RECQL: variants seen among roughly 807,000 people sequenced by gnomAD.
RECQL encodes RecQ like helicase, also known as ATP-dependent DNA helicase Q1.
Under a neutral mutation model 75.8 loss-of-function variants are expected in RECQL, and 73 were observed. The observed-to-expected ratio is 0.96, with a 90% CI of 0.80 to 1.17. The LOEUF (loss-of-function observed/expected upper bound fraction) is 1.17, where lower values mean the gene tolerates loss of function less well. Ranked by LOEUF, RECQL falls within the 50% of genes most tolerant of loss-of-function variation. The pLI, the probability that RECQL is intolerant of heterozygous loss-of-function variation, is 0.00. For synonymous variants in RECQL, 248 were observed against 254.4 expected, an observed-to-expected ratio of 0.97 and a Z score of 0.24; for missense variants, 699 against 772.1, an observed-to-expected ratio of 0.91 and a Z score of 1.12.
At chr12:21,495,269 C>T (rs117589247) in intron 2 of RECQL, among the ~76,000 whole-genome samples, 1,803 of 152,198 alleles carry the variant, frequency 0.012, 23 homozygotes, top group Admixed American at 0.02. Context: ...TACTCTTCAC[C>T]AGGAAGTTTA....
intron 6 of RECQL, among the ~76,000 whole-genome samples, chr12:21,481,302 G>A (rs900275960): frequency 6.6e-5 from 10 of 152,238 alleles, no homozygotes; most frequent in African/African-American, 2.4e-4. Context: ...ATTTAGTTTT[G>A]GTCATGCTAA....
chr12:21,470,060 A>G lies in RECQL; in HGVS notation c.*134T>C. On this transcript the variant is annotated 3_prime_UTR_variant, in exon 15 of 15. Transcript: ENST00000444129. ...TTCTCAAAAGTTTAGATCTTCAGAG[A>G]TAAGCTCTGAAAATATAGATCCATA... is the stretch of plus-strand genomic sequence containing the variant. 1 of 641,992 alleles carries G rather than the reference A, an allele frequency of 1.6e-6. No individual in the cohort carries two copies. Among genetic ancestry groups the G allele is most frequent in the South Asian group, 3.0e-5 (1 of 33,822 alleles). The allele number at this position is 641,992 out of a possible 1,614,324, so 39.8% of individuals were successfully genotyped here. A position where few individuals can be genotyped will look rare whatever the true frequency, so the allele number is the denominator to read the frequency against.
chr12:21,492,136 G>A (rs947441434), intron 2 of RECQL, among the ~76,000 whole-genome samples: 2 of 152,186 alleles, frequency 1.3e-5, no homozygotes, highest in African/African-American at 4.8e-5. Flanking sequence ...ATCAGACTTT[G>A]AAGCAAAAGG....
intron 6 of RECQL, 152 bp from the exon 7 acceptor site, chr12:21,478,121 T>C: frequency 1.6e-6 from 1 of 637,722 alleles, no homozygotes. Flanking sequence ...TTAGCCTCTT[T>C]GATGGGCAGG....
chr12:21,495,270 A>C (rs1366837579), intron 2 of RECQL, among the ~76,000 whole-genome samples: 1 of 152,208 alleles, frequency 6.6e-6, no homozygotes, highest in Non-Finnish European at 1.5e-5. Flanking sequence ...ACTCTTCACC[A>C]GGAAGTTTAT....
In RECQL at chr12:21,470,192, T is replaced by C. The variant is rs776157162; in HGVS notation, c.*2A>G. 3.1e-6 allele frequency: 5 copies of C among 1,611,446 alleles called. No individual in the cohort carries two copies. The highest frequency in any genetic ancestry group is 1.3e-5 in the African/African-American group (1 of 74,774). ...TAATTAGAAAATTTAGTAACATTCA[T>C]ATCAGGCATCATCGATTTTTCTTTT... is the stretch of plus-strand genomic sequence containing the variant. On this transcript the variant is annotated 3_prime_UTR_variant, in exon 15 of 15. Transcript: ENST00000444129.
chr12:21,483,164 G>A (rs1170252694), intron 6 of RECQL, among the ~76,000 whole-genome samples: 2 of 152,146 alleles, frequency 1.3e-5, no homozygotes, highest in Non-Finnish European at 2.9e-5. Flanking sequence ...TCATAATGAG[G>A]CAAGATAAAA....
At chr12:21,493,527 A>G (rs768742767) in intron 2 of RECQL, among the ~76,000 whole-genome samples, 8 of 152,238 alleles carry the variant, frequency 5.3e-5, no homozygotes, top group Non-Finnish European at 1.2e-4. Flanking sequence ...AATAGCTGTA[A>G]GTCTAAATCC....
Position 21,490,346 on chromosome 12 carries a change from G to T in RECQL, c.247C>A (p.Leu83Met). The T allele has an allele frequency of 1.2e-6, 2 of 1,611,758 alleles. No individual in the cohort carries two copies. The highest frequency in any genetic ancestry group is 1.7e-6 in the Non-Finnish European group (2 of 1,178,428). Reference sequence around the variant, plus strand: ...TTTTCCAGTTTAAAGACATTTTGCAGAATATCTTTAACTTTACCAGACCAT... The same window carrying T: ...TTTTCCAGTTTAAAGACATTTTGCATAATATCTTTAACTTTACCAGACCAT... ...FPWSGKVKDI[L>M]QNVFKLEKFR... The change falls in exon 4 of 15, where the codon CTG becomes ATG. Residue 83 changes from leucine (L) to methionine (M), a missense_variant. Around this residue, in one of 2 missense-constraint regions of RECQL, gnomAD observed 669 missense variants for 713.5 expected, o/e 0.94. Transcript: ENST00000444129.
intron 4 of RECQL, 101 bp downstream of exon 4, chr12:21,490,094 CTTGA>C (rs1238242529): frequency 5.8e-5 from 32 of 552,148 alleles, no homozygotes; most frequent in Middle Eastern, 5.1e-4. Context: ...CAAAAATGCA[CTTGA>C]TTTTTATATA....
intron 2 of RECQL, 36 bp downstream of exon 2, chr12:21,499,519 C>T (rs754634604): frequency 2.0e-6 from 3 of 1,527,722 alleles, no homozygotes; most frequent in South Asian, 1.2e-5. Flanking sequence ...AGAAATAGAA[C>T]AGAAGGAAGA....
chr12:21,483,398 C>T lies in RECQL; in HGVS notation c.678G>A (p.Gln226=), dbSNP rs777465647. 1 of 1,602,810 alleles carries T rather than the reference C, an allele frequency of 6.2e-7. No individual in the cohort carries two copies. The highest frequency in any genetic ancestry group is 8.5e-7 in the Non-Finnish European group (1 of 1,176,672). The change falls in exon 6 of 15, where the codon CAG becomes CAA. Residue 226 remains glutamine (Q), a synonymous_variant. Transcript: ENST00000444129. Reference sequence around the variant, plus strand: ...TACCAGGTCTGAAATCATGTCCCCACTGACTACAGCAGTGAACTTCATCCA... The same window carrying T: ...TACCAGGTCTGAAATCATGTCCCCATTGACTACAGCAGTGAACTTCATCCA... ...IAVDEVHCCS[Q]WGHDFRPDYK...
At chr12:21,498,054 C>T (rs1428494590) in intron 2 of RECQL, among the ~76,000 whole-genome samples, 1 of 152,212 alleles carries the variant, frequency 6.6e-6, no homozygotes, top group African/African-American at 2.4e-5. Flanking sequence ...TCACGGAATT[C>T]CTACTGATTG....
intron 2 of RECQL, among the ~76,000 whole-genome samples, chr12:21,498,687 C>A (rs1288434321): frequency 6.6e-6 from 1 of 152,066 alleles, no homozygotes; most frequent in Admixed American, 6.5e-5. Flanking sequence ...CTCTAGTGCA[C>A]CTCTCAGTAT....
intron 1 of RECQL, among the ~76,000 whole-genome samples, chr12:21,500,578 A>G (rs1943591273): frequency 2.0e-5 from 3 of 152,244 alleles, no homozygotes; most frequent in Admixed American, 1.3e-4. Flanking sequence ...CCATTAAAAG[A>G]AGGCTAAATA....
At position 21,493,059 on chromosome 12, in the gene RECQL, C is replaced by T. The variant is rs553551837; in HGVS notation, c.17-1343G>A. 2.0e-4 allele frequency among the ~76,000 whole-genome samples: 30 copies of T among 152,312 alleles called. 1 individual carries two copies. Among genetic ancestry groups the T allele is most frequent in the African/African-American group, 6.5e-4 (27 of 41,570 alleles). ...ATAAGTTTTAATCCCCATAATAAAA[C>T]TTACAGCACTCATAATGGTTCAGCT... On this transcript the variant is annotated intron_variant, in intron 2 of 14. Coordinates refer to ENST00000444129, the MANE Select transcript of RECQL (RefSeq NM_002907.4).
At chr12:21,483,266 G>T in intron 6 of RECQL, 110 bp downstream of exon 6, 1 of 791,338 alleles carries the variant, frequency 1.3e-6, no homozygotes, top group Non-Finnish European at 2.1e-6. Context: ...GATATTCAAT[G>T]TGTAACTACT....
intron 6 of RECQL, among the ~76,000 whole-genome samples, chr12:21,481,460 A>C (rs7307064): frequency 0.15 from 22,965 of 152,064 alleles, 2,069 homozygotes; most frequent in Middle Eastern, 0.27. Flanking sequence ...AAGGGTGATA[A>C]TCATAAGGGA....
chr12:21,483,635 A>G (rs1273984928), intron 5 of RECQL, 61 bp from the exon 6 acceptor site: 2 of 1,217,568 alleles, frequency 1.6e-6, no homozygotes, highest in East Asian at 2.5e-5. Flanking sequence ...CTGAAATACT[A>G]GGTGGTAAAT....
Sources: allele counts gnomAD v4.1 joint callset (sites outside exome capture counted in the v4.1 genomes callset), GRCh38; gene constraint gnomAD v4.1.1; regional missense constraint gnomAD v4.1.1; transcripts MANE v1.5; gene names NCBI Gene and HGNC (gene_info 2026-07-23, HGNC 2026-07-21).